ABLIM1: variants seen among roughly 807,000 people sequenced by gnomAD.
The protein encoded by ABLIM1 is actin binding LIM protein 1, also known as actin-binding LIM protein 1.
A neutral mutation model predicts 107.0 loss-of-function variants in ABLIM1; 40 were observed. That is an observed-to-expected ratio of 0.37 (90% CI 0.29 to 0.49). The LOEUF (loss-of-function observed/expected upper bound fraction) is 0.49. Ranked by LOEUF, ABLIM1 falls within the 20% of genes least tolerant of loss-of-function variation. The pLI is 0.97. For missense variants in ABLIM1, 857 were observed against 1,008.5 expected (o/e 0.85, Z 2.04); for synonymous variants, 357 against 357.3 (o/e 1.00, Z 0.01).
chr10:114,512,908 GA>G (rs1186262698), intron 6 of ABLIM1, among the ~76,000 whole-genome samples: 53 of 139,386 alleles, frequency 3.8e-4, no homozygotes, highest in Admixed American at 8.4e-4. Context: ...AGGAAGGAAG[GA>G]AAGAAAGAGA....
At chr10:114,639,608 T>C (rs2078643777) in intron 1 of ABLIM1, among the ~76,000 whole-genome samples, 1 of 152,194 alleles carries the variant, frequency 6.6e-6, no homozygotes, top group African/African-American at 2.4e-5. Context: ...TGTGAGGTTG[T>C]GGTGAGGACA....
chr10:114,783,639 A>C, the ABLIM1 span, among the ~76,000 whole-genome samples: 1 of 152,022 alleles, frequency 6.6e-6, no homozygotes, highest in Non-Finnish European at 1.5e-5. Flanking sequence ...TTGAATAAAC[A>C]ACAAAAATAG....
intron 1 of ABLIM1, chr10:114,632,520 G>C: frequency 1.0e-6 from 1 of 985,024 alleles, no homozygotes; most frequent in Non-Finnish European, 1.2e-6. Flanking sequence ...TGATGCTAAT[G>C]GCAATTTCAA....
chr10:114,636,608 C>A (rs894646501), intron 1 of ABLIM1, among the ~76,000 whole-genome samples: 2 of 152,178 alleles, frequency 1.3e-5, no homozygotes, highest in African/African-American at 4.8e-5. Context: ...GTCTCACACA[C>A]ACAGTATTTT....
intron 13 of ABLIM1, among the ~76,000 whole-genome samples, chr10:114,452,380 C>T (rs1000324830): frequency 2.9e-4 from 44 of 152,172 alleles, no homozygotes; most frequent in African/African-American, 9.6e-4. Context: ...GAACCGTGGG[C>T]ACTGTATCTT....
chr10:114,681,959 T>A (rs1399462998), intron 1 of ABLIM1, among the ~76,000 whole-genome samples: 2 of 152,224 alleles, frequency 1.3e-5, no homozygotes, highest in East Asian at 3.8e-4. Context: ...GGAAAACCTG[T>A]CTGGCATTTC....
intron 10 of ABLIM1, 73 bp from the exon 11 acceptor site, chr10:114,468,289 G>GTTTT: frequency 1.4e-6 from 2 of 1,463,368 alleles, no homozygotes; most frequent in South Asian, 1.1e-5. Flanking sequence ...TTGTTTGTTT[G>GTTTT]TTTGAGATGG....
the ABLIM1 span, chr10:114,775,871 G>A: frequency 6.6e-6 from 1 of 152,146 alleles, no homozygotes; most frequent in East Asian, 1.9e-4. Flanking sequence ...ATAGGCAGAG[G>A]GCTGTTGCTA....
intron 1 of ABLIM1, among the ~76,000 whole-genome samples, chr10:114,638,546 A>G (rs1014886170): frequency 6.6e-6 from 1 of 151,996 alleles, no homozygotes; most frequent in Non-Finnish European, 1.5e-5. Context: ...GGCCAAAGCC[A>G]TGGGCCCTCT....
At chr10:114,448,107 C>A in intron 14 of ABLIM1, 87 bp from the exon 15 acceptor site, 1 of 1,550,486 alleles carries the variant, frequency 6.4e-7, no homozygotes, top group Non-Finnish European at 8.8e-7. Flanking sequence ...TTTTCTTGTT[C>A]TCTGGCAAAA....
intron 1 of ABLIM1, among the ~76,000 whole-genome samples, chr10:114,722,978 C>A (rs1198779728): frequency 6.6e-6 from 1 of 152,176 alleles, no homozygotes; most frequent in Non-Finnish European, 1.5e-5. Context: ...GCAGACTGAG[C>A]ACATTGTACC....
At chr10:114,586,685 T>C (rs895186965) in intron 2 of ABLIM1, among the ~76,000 whole-genome samples, 2 of 57,962 alleles carry the variant, frequency 3.5e-5, no homozygotes, top group African/African-American at 3.5e-4. Flanking sequence ...ATCTCTTTGG[T>C]TCAGAAATAT....
At chr10:114,473,770 A>G (rs778169667) in intron 9 of ABLIM1, 109 bp downstream of exon 9, 40 of 838,840 alleles carry the variant, frequency 4.8e-5, no homozygotes, top group Non-Finnish European at 6.8e-5. Flanking sequence ...TCTCATAACA[A>G]AAATAGAAAT....
At chr10:114,682,029 T>C (rs1020918131) in intron 1 of ABLIM1, among the ~76,000 whole-genome samples, 2 of 152,212 alleles carry the variant, frequency 1.3e-5, no homozygotes, top group African/African-American at 2.4e-5. Flanking sequence ...TTCCCTCTTT[T>C]TGGAAATGAA....
chr10:114,693,479 C>T (rs918337670), intron 1 of ABLIM1, among the ~76,000 whole-genome samples: 3 of 152,300 alleles, frequency 2.0e-5, no homozygotes, highest in South Asian at 2.1e-4. Flanking sequence ...CTCTCCAGAT[C>T]GCCAAGTACA....
intron 6 of ABLIM1, among the ~76,000 whole-genome samples, chr10:114,511,845 C>T (rs561807553): frequency 1.2e-4 from 19 of 152,304 alleles, no homozygotes; most frequent in East Asian, 9.6e-4. Context: ...TCCAGCTGTT[C>T]GGAGCATCAT....
At chr10:114,763,841 C>T (rs946610677) in intron 1 of ABLIM1, among the ~76,000 whole-genome samples, 9 of 152,076 alleles carry the variant, frequency 5.9e-5, no homozygotes, top group African/African-American at 2.2e-4. Context: ...ATGCAGATGC[C>T]CAGGCCTAAC....
intron 6 of ABLIM1, among the ~76,000 whole-genome samples, chr10:114,511,180 T>C (rs530608776): frequency 1.3e-5 from 2 of 152,180 alleles, no homozygotes; most frequent in African/African-American, 4.8e-5. Context: ...TTCTTGTTTA[T>C]AGAATCAATT....
chr10:114,564,799 C>T (rs1272614354), intron 4 of ABLIM1, among the ~76,000 whole-genome samples: 2 of 152,162 alleles, frequency 1.3e-5, no homozygotes, highest in South Asian at 2.1e-4. Flanking sequence ...CACTGTCAAC[C>T]GTTATACTGT....
Sources: gnomAD v4.1 joint callset for allele counts (sites outside exome capture counted in the v4.1 genomes callset) on GRCh38, gnomAD v4.1.1 for gene constraint, MANE v1.5 for transcripts, NCBI Gene and HGNC (gene_info 2026-07-23, HGNC 2026-07-21) for gene names.